The following ABCB11 variants were observed in gnomAD, a reference collection of about 807,000 sequenced individuals.
ABCB11 encodes ATP binding cassette subfamily B member 11.
In ABCB11, 95 loss-of-function variants were observed where a neutral mutation model predicts 148.0. That is an observed-to-expected ratio of 0.64 (90% CI 0.54 to 0.76). ABCB11 has a LOEUF of 0.76. Among genes scored for constraint, ABCB11 ranks in the 30% least tolerant of loss-of-function variants. The pLI is 0.00. For missense variants in ABCB11, 1,523 were observed against 1,617.8 expected (o/e 0.94, Z 1.01); for synonymous variants, 591 against 555.4 (o/e 1.06, Z -0.90).
chr2:168,976,827 T>A (rs1322962988), intron 11 of ABCB11, 140 bp from the exon 12 acceptor site: 4 of 519,514 alleles, frequency 7.7e-6, no homozygotes, highest in Non-Finnish European at 1.4e-5. Context: ...ATGAGTAAAT[T>A]CAAATGAAGA....
intron 18 of ABCB11, among the ~76,000 whole-genome samples, chr2:168,962,018 A>G (rs1022361126): frequency 6.6e-6 from 1 of 151,736 alleles, no homozygotes; most frequent in Non-Finnish European, 1.5e-5. Context: ...TTTACCATAT[A>G]ATGTTACTTG....
intron 19 of ABCB11, among the ~76,000 whole-genome samples, chr2:168,945,683 A>C (rs182114053): frequency 6.6e-6 from 1 of 151,392 alleles, no homozygotes; most frequent in African/African-American, 2.4e-5. Flanking sequence ...GGAGGGAGGG[A>C]ATCGAGATCT....
chr2:168,941,674 G>A (rs1053957339), intron 21 of ABCB11, among the ~76,000 whole-genome samples: 15 of 152,050 alleles, frequency 9.9e-5, no homozygotes, highest in African/African-American at 3.6e-4. Flanking sequence ...ACATTCTACT[G>A]TGGGTAAAAT....
At chr2:169,026,328 C>A (rs1011004216) in intron 1 of ABCB11, among the ~76,000 whole-genome samples, 1 of 152,102 alleles carries the variant, frequency 6.6e-6, no homozygotes, top group Non-Finnish European at 1.5e-5. Context: ...TGCCAAGGAG[C>A]TATACTTCAA....
At chr2:169,000,234 A>C (rs1694829890) in intron 5 of ABCB11, among the ~76,000 whole-genome samples, 1 of 152,032 alleles carries the variant, frequency 6.6e-6, no homozygotes, top group South Asian at 2.1e-4. Flanking sequence ...CAAGTTGCAA[A>C]TATGTTCTCC....
At position 169,029,584 on chromosome 2, in the gene ABCB11, T is replaced by C. The variant is rs114424682; in HGVS notation, c.-28+1641A>G. 8.4e-3 allele frequency among the ~76,000 whole-genome samples: 1,278 copies of C among 152,192 alleles called. 21 individuals carry two copies. Among genetic ancestry groups the C allele is most frequent in the African/African-American group, 0.029 (1,202 of 41,522 alleles). The stretch of plus-strand genomic sequence containing the variant: ...GGGAAGGGAAATAAATACACGGTGA[T>C]CCCATTGGCCACGTAAGTCCTTTCT... On this transcript the variant is annotated intron_variant, in intron 1 of 27. Coordinates refer to ENST00000650372, the MANE Select transcript of ABCB11 (RefSeq NM_003742.4).
At chr2:168,953,962 T>G (rs142801486) in intron 19 of ABCB11, among the ~76,000 whole-genome samples, 439 of 151,796 alleles carry the variant, frequency 2.9e-3, no homozygotes, top group Non-Finnish European at 3.6e-3. Context: ...TTACATATGT[T>G]GATTGATGTC....
At chr2:168,916,020 A>G (rs1186267898), downstream of ABCB11, among the ~76,000 whole-genome samples, 3 of 152,190 alleles carry the variant, frequency 2.0e-5, no homozygotes, top group Non-Finnish European at 4.4e-5. Flanking sequence ...ACATGCTAAA[A>G]CCATGAAGGC....
intron 6 of ABCB11, 39 bp from the exon 7 acceptor site, chr2:168,995,521 T>C (rs766588754): frequency 1.3e-6 from 2 of 1,578,830 alleles, no homozygotes; most frequent in Non-Finnish European, 8.6e-7. Context: ...TTGCAATGTT[T>C]GAAATATTTG....
chr2:168,938,232 T>C (rs1415661632), intron 21 of ABCB11, among the ~76,000 whole-genome samples: 3 of 152,176 alleles, frequency 2.0e-5, no homozygotes, highest in Non-Finnish European at 2.9e-5. Flanking sequence ...GAATTTCTCA[T>C]TTGTACACCC....
chr2:168,993,218 T>C (rs1694599515), intron 8 of ABCB11, among the ~76,000 whole-genome samples: 1 of 152,036 alleles, frequency 6.6e-6, no homozygotes, highest in African/African-American at 2.4e-5. Flanking sequence ...TCTTTGTCTG[T>C]TGTGCCTTTT....
intron 17 of ABCB11, among the ~76,000 whole-genome samples, chr2:168,967,443 T>C (rs1033536628): frequency 6.6e-6 from 1 of 151,948 alleles, no homozygotes; most frequent in South Asian, 2.1e-4. Flanking sequence ...TGAAAATAAA[T>C]ACACTACTTT....
intron 18 of ABCB11, among the ~76,000 whole-genome samples, chr2:168,958,423 G>A (rs1692899267): frequency 6.6e-6 from 1 of 151,398 alleles, no homozygotes; most frequent in Non-Finnish European, 1.5e-5. Context: ...GTTGGATCTT[G>A]GAGAAAAATA....
At chr2:169,015,652 T>C (rs1695330805) in intron 3 of ABCB11, among the ~76,000 whole-genome samples, 1 of 152,084 alleles carries the variant, frequency 6.6e-6, no homozygotes, top group African/African-American at 2.4e-5. Flanking sequence ...CTGGCCAAAG[T>C]CTTTAAAATT....
chr2:168,934,256 G>A (rs1042492144), intron 23 of ABCB11, among the ~76,000 whole-genome samples: 1 of 152,128 alleles, frequency 6.6e-6, no homozygotes, highest in South Asian at 2.1e-4. Context: ...GTGTAGTGGA[G>A]TGGGAGAGAA....
intron 19 of ABCB11, among the ~76,000 whole-genome samples, chr2:168,951,886 T>C (rs1692585634): frequency 6.6e-6 from 1 of 151,570 alleles, no homozygotes; most frequent in Non-Finnish European, 1.5e-5. Flanking sequence ...TTGGTTTGTA[T>C]GGCTTTTATT....
intron 9 of ABCB11, among the ~76,000 whole-genome samples, chr2:168,989,258 A>G (rs1297064838): frequency 6.6e-6 from 1 of 152,010 alleles, no homozygotes; most frequent in Non-Finnish European, 1.5e-5. Flanking sequence ...TCAGTTTTAT[A>G]TCCTACATTT....
chr2:168,968,534 C>T (rs1693418756), intron 16 of ABCB11, 44 bp from the exon 17 acceptor site: 6 of 1,484,562 alleles, frequency 4.0e-6, no homozygotes, highest in Non-Finnish European at 4.6e-6. Context: ...ATACAATAAA[C>T]AGAACCATAT....
At chr2:168,925,073 C>T (rs1029431840) in intron 26 of ABCB11, among the ~76,000 whole-genome samples, 1 of 152,152 alleles carries the variant, frequency 6.6e-6, no homozygotes, top group Non-Finnish European at 1.5e-5. Flanking sequence ...TCTCCTTCTC[C>T]CTGTGTCCAC....
Sources: gnomAD v4.1 joint callset for allele counts (sites outside exome capture counted in the v4.1 genomes callset) on GRCh38, gnomAD v4.1.1 for gene constraint, MANE v1.5 for transcripts, NCBI Gene and HGNC (gene_info 2026-07-23, HGNC 2026-07-21) for gene names.